The following SPAST variants were observed in gnomAD, a reference collection of about 807,000 sequenced individuals.
The protein encoded by SPAST is spastin, also known as spastic paraplegia 4 (autosomal dominant; spastin).
SPAST carries 30 observed loss-of-function variants against 76.6 expected under a neutral mutation model. The ratio of observed to expected loss-of-function variants is 0.39; its 90% CI spans 0.29 to 0.53. SPAST has a LOEUF of 0.53. SPAST is among the 20% of genes least tolerant of loss of function. The pLI is 0.68. For missense variants in SPAST, 717 were observed against 770.5 expected (o/e 0.93, Z 0.82); for synonymous variants, 305 against 281.0 (o/e 1.09, Z -0.86).
At chr2:32,109,364 C>T (rs1019922273) in intron 4 of SPAST, among the ~76,000 whole-genome samples, 8 of 152,048 alleles carry the variant, frequency 5.3e-5, no homozygotes, top group African/African-American at 1.7e-4. Flanking sequence ...CCGCCTCGGC[C>T]TCTCAAAGTG....
At chr2:32,068,671 A>G (rs1676623587) in intron 1 of SPAST, among the ~76,000 whole-genome samples, 1 of 152,126 alleles carries the variant, frequency 6.6e-6, no homozygotes, top group South Asian at 2.1e-4. Flanking sequence ...ATGCCGTAAT[A>G]TGCCAAATTA....
rs145206063 is a variant in SPAST, at chr2:32,154,430, C to T, written c.1785C>T (p.Ser595=). ...FTESLKKIKR[S]VSPQTLEAYI... is the part of the protein sequence containing the mutation. ...AATCCTTGAAAAAAATAAAACGCAG[C>T]GTCAGCCCTCAAACTTTAGAAGCGT... Residue 595 remains serine (S), a synonymous_variant, in exon 17 of 17, where the codon AGC becomes AGT. Transcript: ENST00000315285. 22 of 1,612,194 alleles carry T rather than the reference C, an allele frequency of 1.4e-5. No homozygotes were observed. The highest frequency in any genetic ancestry group is 3.3e-4 in the Middle Eastern group (2 of 6,072).
chr2:32,072,144 G>A (rs796543260), intron 1 of SPAST, among the ~76,000 whole-genome samples: 2 of 152,224 alleles, frequency 1.3e-5, no homozygotes, highest in Admixed American at 6.5e-5. Flanking sequence ...CTGTGTTCAC[G>A]CCGTTCTCCT....
At chr2:32,090,476 C>G (rs754891783) in intron 3 of SPAST, among the ~76,000 whole-genome samples, 2 of 152,080 alleles carry the variant, frequency 1.3e-5, no homozygotes, top group Non-Finnish European at 2.9e-5. Context: ...AAAATAAAAT[C>G]ACAGAAATAC....
intron 4 of SPAST, among the ~76,000 whole-genome samples, chr2:32,110,780 CTATA>C (rs1008967598): frequency 3.3e-4 from 43 of 131,018 alleles, no homozygotes; most frequent in South Asian, 2.3e-3. Context: ...ACATAGTATA[CTATA>C]TATAGTATAG....
intron 7 of SPAST, among the ~76,000 whole-genome samples, chr2:32,122,492 T>G (rs763333527): frequency 5.1e-4 from 78 of 152,102 alleles, no homozygotes; most frequent in Non-Finnish European, 1.0e-3. Context: ...TGGCTAATTT[T>G]TGTATTTTTA....
intron 9 of SPAST, among the ~76,000 whole-genome samples, chr2:32,133,318 C>T (rs1427701562): frequency 2.6e-5 from 4 of 152,078 alleles, no homozygotes; most frequent in Admixed American, 1.3e-4. Context: ...TACCACAAAG[C>T]GAATATACTT....
At chr2:32,074,964 G>A (rs1400283711) in intron 1 of SPAST, among the ~76,000 whole-genome samples, 1 of 151,974 alleles carries the variant, frequency 6.6e-6, no homozygotes, top group Non-Finnish European at 1.5e-5. Flanking sequence ...GCACATAATA[G>A]GTACTCAGTA....
chr2:32,077,846 A>G (rs1677027217), intron 1 of SPAST: 1 of 152,250 alleles, frequency 6.6e-6, no homozygotes, highest in African/African-American at 2.4e-5. Flanking sequence ...CTAAAAAATA[A>G]TGCAGTCCAG....
At chr2:32,134,934 G>A (rs1679487674) in intron 9 of SPAST, among the ~76,000 whole-genome samples, 1 of 151,756 alleles carries the variant, frequency 6.6e-6, no homozygotes, top group African/African-American at 2.4e-5. Flanking sequence ...GACCTCAGGT[G>A]ATCCACCCAC....
At chr2:32,151,188 C>T (rs556561310) in intron 16 of SPAST, among the ~76,000 whole-genome samples, 81 of 152,230 alleles carry the variant, frequency 5.3e-4, no homozygotes, top group South Asian at 1.2e-3. Flanking sequence ...GGAGATCCGC[C>T]CACCTCGGCC....
chr2:32,088,035 A>G (rs549925761), intron 2 of SPAST, among the ~76,000 whole-genome samples: 140 of 151,986 alleles, frequency 9.2e-4, no homozygotes, highest in African/African-American at 3.3e-3. Flanking sequence ...TTACAGGTGC[A>G]TGCCACCGTG....
At chr2:32,131,787 T>C (rs1017410531) in intron 9 of SPAST, among the ~76,000 whole-genome samples, 66 of 149,998 alleles carry the variant, frequency 4.4e-4, no homozygotes, top group African/African-American at 1.2e-3. Flanking sequence ...CTTAGCCTGC[T>C]GAGTAGCTGG....
Position 32,087,487 on chromosome 2 carries a change from T to G in SPAST, c.416-5T>G. The stretch of plus-strand genomic sequence containing the variant: ...GATCTATACAAATAATTTTTTATTT[T>G]AAAGCAGGACAGAAGGAGCAAGCTG... On this transcript the variant is annotated splice_polypyrimidine_tract_variant and splice_region_variant and intron_variant, in intron 1 of 16. Coordinates refer to ENST00000315285, the MANE Select transcript of SPAST (RefSeq NM_014946.4). 6.3e-7 allele frequency: 1 copy of G among 1,583,200 alleles called. No individual in the cohort carries two copies. Among genetic ancestry groups the G allele is most frequent in the South Asian group, 1.1e-5 (1 of 90,386 alleles).
At chr2:32,153,635 C>G (rs1680160537) in intron 16 of SPAST, among the ~76,000 whole-genome samples, 1 of 151,742 alleles carries the variant, frequency 6.6e-6, no homozygotes, top group Non-Finnish European at 1.5e-5. Context: ...ATTAATTTTT[C>G]TATTGCCTGG....
At chr2:32,086,481 G>T (rs1677480379) in intron 1 of SPAST, among the ~76,000 whole-genome samples, 3 of 151,718 alleles carry the variant, frequency 2.0e-5, no homozygotes, top group Admixed American at 1.3e-4. Context: ...AAAAAAATGA[G>T]GCCGGGCGCG....
intron 12 of SPAST, among the ~76,000 whole-genome samples, 184 bp from the exon 13 acceptor site, chr2:32,141,720 G>A (rs544394937): frequency 4.6e-5 from 7 of 152,162 alleles, no homozygotes; most frequent in Admixed American, 6.5e-5. Flanking sequence ...TAACAATACC[G>A]AATTAAGGAT....
chr2:32,147,930 C>CTTTTTTT (rs71407420), intron 16 of SPAST, among the ~76,000 whole-genome samples: 5 of 116,460 alleles, frequency 4.3e-5, no homozygotes, highest in African/African-American at 1.7e-4. Context: ...TGCGCCCGGC[C>CTTTTTTT]TTTTTTTTTT....
chr2:32,149,727 G>GTA (rs1326766618), intron 16 of SPAST, among the ~76,000 whole-genome samples: 2 of 152,152 alleles, frequency 1.3e-5, no homozygotes, highest in Admixed American at 6.6e-5. Flanking sequence ...GGTGTTATAA[G>GTA]TAATCTAGAG....
Sources: gnomAD v4.1 joint callset for allele counts (sites outside exome capture counted in the v4.1 genomes callset) on GRCh38, gnomAD v4.1.1 for gene constraint, MANE v1.5 for transcripts, NCBI Gene and HGNC (gene_info 2026-07-23, HGNC 2026-07-21) for gene names.